Variants in MARCHF1 observed in about 807,000 individuals in gnomAD.
MARCHF1 encodes E3 ubiquitin-protein ligase MARCHF1.
A neutral mutation model predicts 54.2 loss-of-function variants in MARCHF1; 40 were observed. That is an observed-to-expected ratio of 0.74 (90% CI 0.57 to 0.96). MARCHF1 has a LOEUF of 0.96. Ranked by LOEUF, MARCHF1 falls within the 40% of genes least tolerant of loss-of-function variation. The pLI is 0.00. For synonymous variants in MARCHF1, 236 were observed against 236.3 expected, an observed-to-expected ratio of 1.00 and a Z score of 0.01; for missense variants, 586 against 656.5, an observed-to-expected ratio of 0.89 and a Z score of 1.17.
chr4:163,904,763 A>AGACAGAGAC (rs374872263), intron 3 of MARCHF1, among the ~76,000 whole-genome samples: 5 of 151,558 alleles, frequency 3.3e-5, no homozygotes, highest in Non-Finnish European at 7.4e-5. Flanking sequence ...AGGAGAGAGA[A>AGACAGAGAC]AGAGACAGAG....
intron 2 of MARCHF1, among the ~76,000 whole-genome samples, chr4:164,062,537 T>C (rs1191771999): frequency 6.6e-6 from 1 of 152,104 alleles, no homozygotes; most frequent in Non-Finnish European, 1.5e-5. Context: ...ATTTATTTAT[T>C]TATTGGAGAC....
At chr4:164,230,963 TG>T (rs1408296504) in intron 1 of MARCHF1, among the ~76,000 whole-genome samples, 1 of 152,144 alleles carries the variant, frequency 6.6e-6, no homozygotes, top group Non-Finnish European at 1.5e-5. Context: ...CTAGAAATTC[TG>T]GGAACAATAG....
chr4:164,233,160 A>T (rs183622851), intron 1 of MARCHF1, among the ~76,000 whole-genome samples: 2 of 152,276 alleles, frequency 1.3e-5, no homozygotes, highest in East Asian at 3.9e-4. Flanking sequence ...TGTTGAATAA[A>T]TAAATAAATC....
chr4:163,911,582 A>C (rs1751189231), intron 3 of MARCHF1, among the ~76,000 whole-genome samples: 1 of 152,172 alleles, frequency 6.6e-6, no homozygotes, highest in South Asian at 2.1e-4. Flanking sequence ...ATTAACAAAA[A>C]ATAAGCATGT....
intron 9 of MARCHF1, among the ~76,000 whole-genome samples, chr4:163,536,982 A>G (rs1388232216): frequency 6.6e-6 from 1 of 152,106 alleles, no homozygotes; most frequent in African/African-American, 2.4e-5. Context: ...TACTGTCCAA[A>G]TGACCATCTT....
At chr4:164,018,986 G>GT (rs1753605126) in intron 2 of MARCHF1, among the ~76,000 whole-genome samples, 2 of 152,166 alleles carry the variant, frequency 1.3e-5, no homozygotes, top group African/African-American at 4.8e-5. Context: ...TTGTGAAAGT[G>GT]TTTGTCTCTT....
intron 1 of MARCHF1, among the ~76,000 whole-genome samples, chr4:164,380,146 A>G (rs1731326070): frequency 6.6e-6 from 1 of 152,232 alleles, no homozygotes; most frequent in Non-Finnish European, 1.5e-5. Flanking sequence ...TTATAAGTGC[A>G]TTGACAAGAA....
At chr4:164,296,337 A>G (rs193175684) in intron 1 of MARCHF1, among the ~76,000 whole-genome samples, 2 of 152,252 alleles carry the variant, frequency 1.3e-5, no homozygotes, top group Non-Finnish European at 2.9e-5. Context: ...TTGACAATCA[A>G]AGAAGTTTTA....
chr4:164,266,081 ACACACAC>A (rs1360530768), intron 1 of MARCHF1, among the ~76,000 whole-genome samples: 1 of 152,194 alleles, frequency 6.6e-6, no homozygotes, highest in Non-Finnish European at 1.5e-5. Flanking sequence ...TAAGGGCTGA[ACACACAC>A]TAAATAAATG....
At chr4:164,095,336 G>C (rs1755386738) in intron 2 of MARCHF1, among the ~76,000 whole-genome samples, 1 of 151,974 alleles carries the variant, frequency 6.6e-6, no homozygotes, top group Non-Finnish European at 1.5e-5. Flanking sequence ...GTGTGATTGT[G>C]AGGATAAATG....
chr4:163,697,247 G>A (rs1744664060), intron 5 of MARCHF1, among the ~76,000 whole-genome samples: 1 of 152,158 alleles, frequency 6.6e-6, no homozygotes, highest in African/African-American at 2.4e-5. Context: ...ACTCCCACAA[G>A]GAAGGCATGT....
chr4:164,118,982 C>A (rs1038643410), intron 1 of MARCHF1, among the ~76,000 whole-genome samples: 12 of 139,044 alleles, frequency 8.6e-5, no homozygotes, highest in Non-Finnish European at 1.6e-4. Flanking sequence ...CACCAAGAAA[C>A]AAGTGGGAAA....
chr4:164,337,317 A>T (rs556862781), intron 1 of MARCHF1, among the ~76,000 whole-genome samples: 153 of 152,300 alleles, frequency 1.0e-3, no homozygotes, highest in Non-Finnish European at 1.7e-3. Context: ...AGATGCATTT[A>T]AAAAAGCTAA....
chr4:164,057,133 T>G (rs1754510445), intron 2 of MARCHF1, among the ~76,000 whole-genome samples: 2 of 152,208 alleles, frequency 1.3e-5, no homozygotes, highest in Admixed American at 1.3e-4. Context: ...TTTTTCTTGC[T>G]CTTTAAACAA....
rs189996181 is a variant in MARCHF1 at position 163,795,108 on chromosome 4, T to C, written c.111+58913A>G. 1.2e-4 allele frequency among the ~76,000 whole-genome samples: 19 copies of C among 152,352 alleles called. No individual in the cohort carries two copies. In the East Asian group the frequency reaches 2.9e-3, roughly 23 times the overall value. ...TTCATAAAAATGTCAATTTGTGAAA[T>C]TGATTTATCCTAATCAATCACATTT... On this transcript the variant is annotated intron_variant, in intron 4 of 9. Transcript: ENST00000514618.
chr4:164,124,169 C>G (rs556642429), intron 1 of MARCHF1, among the ~76,000 whole-genome samples: 29 of 148,652 alleles, frequency 2.0e-4, no homozygotes, highest in African/African-American at 7.6e-4. Flanking sequence ...CATCACTGAT[C>G]ATAAGTGAAG....
At chr4:164,279,985 G>A (rs1009324248) in intron 1 of MARCHF1, among the ~76,000 whole-genome samples, 3 of 151,718 alleles carry the variant, frequency 2.0e-5, no homozygotes, top group Non-Finnish European at 4.4e-5. Flanking sequence ...CATTTTTAGA[G>A]AATTGATTAA....
intron 5 of MARCHF1, among the ~76,000 whole-genome samples, chr4:163,658,824 A>G (rs1743244701): frequency 6.6e-6 from 1 of 151,940 alleles, no homozygotes; most frequent in Admixed American, 6.6e-5. Flanking sequence ...GAACTTTAGG[A>G]AAAATAACTA....
At chr4:163,979,665 A>G (rs2110863404) in intron 3 of MARCHF1, among the ~76,000 whole-genome samples, 1 of 152,034 alleles carries the variant, frequency 6.6e-6, no homozygotes, top group Admixed American at 6.6e-5. Flanking sequence ...CTATTTCTCC[A>G]CATCCTCTCC....
Sources: gnomAD v4.1 joint callset for allele counts (sites outside exome capture counted in the v4.1 genomes callset) on GRCh38, gnomAD v4.1.1 for gene constraint, MANE v1.5 for transcripts, NCBI Gene and HGNC (gene_info 2026-07-23, HGNC 2026-07-21) for gene names.